Variants in MYH15 observed in about 807,000 individuals in gnomAD.
The protein encoded by MYH15 is myosin heavy chain 15.
Under a neutral mutation model 240.5 loss-of-function variants are expected in MYH15, and 227 were observed. That is an observed-to-expected ratio of 0.94 (90% confidence interval 0.85 to 1.05). MYH15 has a LOEUF of 1.05. Ranked by LOEUF, MYH15 falls within the 50% of genes least tolerant of loss-of-function variation. MYH15 has a pLI of 0.00. For missense variants in MYH15, 2,217 were observed against 2,247.5 expected, an observed-to-expected ratio of 0.99 and a Z score of 0.27; for synonymous variants, 785 against 796.7, an observed-to-expected ratio of 0.99 and a Z score of 0.25.
rs143910233 is a variant in MYH15, at chr3:108,415,871, G to A, written c.3948+941C>T. Among the ~76,000 whole-genome samples, 699 of 152,260 alleles carry A rather than the reference G, an allele frequency of 4.6e-3. 5 individuals carry two copies. The highest frequency in any genetic ancestry group is 0.016 in the African/African-American group (668 of 41,556). On this transcript the variant is annotated intron_variant, in intron 29 of 40. Transcript: ENST00000693548. ...GGAGCCAGATCAGGGGGGCTTGTAG[G>A]CCAATTGGAAGTCACTGGGAAGGCA...
At chr3:108,501,666 A>T in intron 3 of MYH15, 46 bp downstream of exon 3, 1 of 1,610,638 alleles carries the variant, frequency 6.2e-7, no homozygotes, top group Non-Finnish European at 8.5e-7. Context: ...GGGACATGCA[A>T]TGTGACTGCC....
chr3:108,381,451 T>C lies in MYH15; in HGVS notation c.*94A>G. 2 of 1,401,466 alleles carry C rather than the reference T, an allele frequency of 1.4e-6. No homozygotes were observed. Among genetic ancestry groups the C allele is most frequent in the Admixed American group, 1.7e-5 (1 of 59,526 alleles). 86.8% of individuals were successfully genotyped at this position (1,401,466 alleles called of 1,614,324 possible). ...GGTGTGAAAAGCAATTTAAACATGT[T>C]TTTAAAAATGTTTCCATGCAACCTA... On this transcript the variant is annotated 3_prime_UTR_variant, in exon 41 of 41. Transcript: ENST00000693548.
At chr3:108,509,191 G>A (rs2083501941) in intron 1 of MYH15, among the ~76,000 whole-genome samples, 1 of 152,174 alleles carries the variant, frequency 6.6e-6, no homozygotes, top group Non-Finnish European at 1.5e-5. Flanking sequence ...ACTTGTCTCT[G>A]CTGCCAGTGC....
chr3:108,485,963 G>A (rs2083302243), intron 10 of MYH15, among the ~76,000 whole-genome samples: 2 of 152,124 alleles, frequency 1.3e-5, no homozygotes, highest in South Asian at 4.1e-4. Context: ...CAGGACAAAT[G>A]CCTGATAAAA....
the MYH15 span, among the ~76,000 whole-genome samples, chr3:108,537,907 G>A: frequency 1.3e-5 from 2 of 152,294 alleles, no homozygotes; most frequent in East Asian, 3.9e-4. Flanking sequence ...GTTTCTCAAA[G>A]TGGGCATGTG....
chr3:108,417,762 T>TAC lies in MYH15; in HGVS notation c.3830-834_3830-833dup, dbSNP rs1295498273. On this transcript the variant is annotated intron_variant, in intron 28 of 40. Coordinates refer to ENST00000693548, the MANE Select transcript of MYH15 (RefSeq NM_014981.3). ...CTATTTTCCTGGAGACAGTGTCAGA[T>TAC]ACACACACACACGTACAGGTATGTA... Among the ~76,000 whole-genome samples the TAC allele has an allele frequency of 9.5e-5, 14 of 148,064 alleles. No individual in the cohort carries two copies. The South Asian group carries it at 1.9e-3, about 21-fold the overall frequency.
At chr3:108,444,944 G>A (rs770126716) in intron 21 of MYH15, 49 bp from the exon 22 acceptor site, 15 of 1,529,788 alleles carry the variant, frequency 9.8e-6, no homozygotes, top group Non-Finnish European at 1.2e-5. Flanking sequence ...GACTATAGGA[G>A]AATTAGTTCC....
At chr3:108,475,391 G>A (rs1182403732) in intron 12 of MYH15, among the ~76,000 whole-genome samples, 1 of 152,130 alleles carries the variant, frequency 6.6e-6, no homozygotes, top group Non-Finnish European at 1.5e-5. Flanking sequence ...TCCATACTAT[G>A]TGTGACACCA....
At chr3:108,463,364 G>C in intron 15 of MYH15, 121 bp from the exon 16 acceptor site, 2 of 1,056,364 alleles carry the variant, frequency 1.9e-6, no homozygotes, top group East Asian at 4.9e-5. Flanking sequence ...ATCCAGGCTA[G>C]AATGCAGTGG....
rs142784098 is a variant in MYH15, at chr3:108,410,188, G to A, written c.4495+395C>T. ...TAAATAGTTAAACAGTGCCTGGTACGTAGTATGGGCTATAGAAATATTCAT... is the reference window on the plus strand; with the variant it reads ...TAAATAGTTAAACAGTGCCTGGTACATAGTATGGGCTATAGAAATATTCAT... On this transcript the variant is annotated intron_variant, in intron 31 of 40. Transcript: ENST00000693548. 2.2e-3 allele frequency among the ~76,000 whole-genome samples: 340 copies of A among 152,202 alleles called. 2 individuals are homozygous for A. The highest frequency in any genetic ancestry group is 7.9e-3 in the African/African-American group (327 of 41,514).
chr3:108,525,847 AT>A (rs1194848282), intron 1 of MYH15, among the ~76,000 whole-genome samples: 2 of 152,152 alleles, frequency 1.3e-5, no homozygotes, highest in African/African-American at 4.8e-5. Context: ...TATATTAAAA[AT>A]AATGCAGACT....
In MYH15 at chr3:108,435,701, T is replaced by TATATATATGTATGTATATTTTATATAC. The variant is rs1553766887; in HGVS notation, c.3221+1852_3221+1853insGTATATAAAATATACATACATATATAT. Among the ~76,000 whole-genome samples, 962 of 149,438 alleles carry TATATATATGTATGTATATTTTATATAC rather than the reference T, an allele frequency of 6.4e-3. 6 individuals are homozygous for TATATATATGTATGTATATTTTATATAC. The highest frequency in any genetic ancestry group is 0.018 in the African/African-American group (741 of 40,676). Reference sequence around the variant, plus strand: ...TATGTATATTTTATATACATATATATATATATATATGTATGTATACAGATG... The same window carrying TATATATATGTATGTATATTTTATATAC: ...TATGTATATTTTATATACATATATATATATATATGTATGTATATTTTATATACATATATATATGTATGTATACAGATG... On this transcript the variant is annotated intron_variant, in intron 25 of 40. Transcript: ENST00000693548.
At chr3:108,529,143 T>A in intron 1 of MYH15, 1 of 873,888 alleles carries the variant, frequency 1.1e-6, no homozygotes, top group Non-Finnish European at 1.8e-6. Flanking sequence ...TTTTATACTA[T>A]CATGTAGTAA....
At chr3:108,455,942 G>C in intron 19 of MYH15, 83 bp from the exon 20 acceptor site, 2 of 1,353,884 alleles carry the variant, frequency 1.5e-6, no homozygotes, top group African/African-American at 1.5e-5. Context: ...TGAGGTGAAA[G>C]GAGACATAGA....
chr3:108,537,416 G>A, the MYH15 span, among the ~76,000 whole-genome samples: 1 of 152,146 alleles, frequency 6.6e-6, no homozygotes, highest in Non-Finnish European at 1.5e-5. Flanking sequence ...AATTGCCAAT[G>A]TATTAATAAT....
At chr3:108,524,421 A>G (rs2083649842) in intron 1 of MYH15, among the ~76,000 whole-genome samples, 1 of 151,800 alleles carries the variant, frequency 6.6e-6, no homozygotes, top group Admixed American at 6.6e-5. Flanking sequence ...GTTCTTTTCA[A>G]TTTGCAATTG....
At chr3:108,439,029 G>A (rs2082864017) in intron 24 of MYH15, among the ~76,000 whole-genome samples, 1 of 151,220 alleles carries the variant, frequency 6.6e-6, no homozygotes, top group South Asian at 2.1e-4. Flanking sequence ...TATAGAGGCA[G>A]GAAGAAAGAG....
At chr3:108,463,321 C>CTT (rs373219290) in intron 15 of MYH15, 78 bp from the exon 16 acceptor site, 262 of 1,140,260 alleles carry the variant, frequency 2.3e-4, no homozygotes, top group South Asian at 2.6e-4. Flanking sequence ...TGCATTACCC[C>CTT]TTTTTTTTTT....
chr3:108,507,250 T>TGA lies in MYH15; in HGVS notation c.89-1422_89-1421insTC, dbSNP rs1269069964. Among the ~76,000 whole-genome samples the TGA allele has an allele frequency of 1.1e-3, 39 of 35,690 alleles. 1 individual carries two copies. The highest frequency in any genetic ancestry group is 1.9e-3 in the Non-Finnish European group (26 of 13,390). 23.4% of individuals were successfully genotyped at this position (35,690 alleles called of 152,430 possible). Reference sequence around the variant, plus strand: ...GAATATATATATATATATATATATATATATATATATATATATATATATATA... The same window carrying TGA: ...GAATATATATATATATATATATATATGAATATATATATATATATATATATATA... On this transcript the variant is annotated intron_variant, in intron 1 of 40. Transcript: ENST00000693548.
Sources: gnomAD v4.1 joint callset for allele counts (sites outside exome capture counted in the v4.1 genomes callset) on GRCh38, gnomAD v4.1.1 for gene constraint, MANE v1.5 for transcripts, NCBI Gene and HGNC (gene_info 2026-07-23, HGNC 2026-07-21) for gene names.